The following GPAT3 variants were observed in gnomAD, a reference collection of about 807,000 sequenced individuals.
GPAT3 encodes the protein 1-AGP acyltransferase 9.
In GPAT3, 53 loss-of-function variants were observed where a neutral mutation model predicts 58.8. That is an observed-to-expected ratio of 0.90 (90% CI 0.72 to 1.13). The LOEUF (loss-of-function observed/expected upper bound fraction) is 1.13. Among genes scored for constraint, GPAT3 ranks in the 50% most tolerant of loss-of-function variants. The probability of loss-of-function intolerance (pLI) is 0.00; values close to 1 mark genes in which losing one functional copy is unlikely to be tolerated. For missense variants in GPAT3, 511 were observed against 527.6 expected (o/e 0.97, Z 0.31); for synonymous variants, 197 against 187.4 (o/e 1.05, Z -0.42).
rs1458877534 is a variant in GPAT3 at position 83,581,651 on chromosome 4, T to G, written c.298T>G (p.Ser100Ala). The G allele has an allele frequency of 6.2e-7, 1 of 1,614,052 alleles. No homozygotes were observed. The highest frequency in any genetic ancestry group is 2.2e-5 in the East Asian group (1 of 44,900). The change falls in exon 3 of 12, where the codon TCC becomes GCC. Residue 100 changes from serine (S) to alanine (A), a missense_variant. Transcript: ENST00000264409. ...TGAGCTGTCTGACGTGTTTTATTTC[T>G]CCAAGAAGGGATTGGAAGCCATTGT... ...DFELSDVFYF[S>A]KKGLEAIVED... is the part of the protein sequence containing the mutation.
chr4:83,538,818 T>C (rs1473724703), intron 1 of GPAT3, among the ~76,000 whole-genome samples: 2 of 152,194 alleles, frequency 1.3e-5, no homozygotes, highest in Non-Finnish European at 2.9e-5. Flanking sequence ...AGTTTTCTAA[T>C]TCTGGTGGGA....
chr4:83,575,339 C>G (rs756254452), intron 2 of GPAT3, among the ~76,000 whole-genome samples: 43 of 152,136 alleles, frequency 2.8e-4, no homozygotes, highest in Admixed American at 7.9e-4. Context: ...CTCAGACCCT[C>G]AATAGTCAAC....
intron 1 of GPAT3, among the ~76,000 whole-genome samples, chr4:83,538,426 G>T (rs1724180902): frequency 6.6e-6 from 1 of 152,168 alleles, no homozygotes; most frequent in South Asian, 2.1e-4. Flanking sequence ...GCTTCCTAAT[G>T]TGAGATCTTC....
At chr4:83,579,709 A>C (rs1429586439) in intron 2 of GPAT3, among the ~76,000 whole-genome samples, 1 of 152,176 alleles carries the variant, frequency 6.6e-6, no homozygotes, top group Non-Finnish European at 1.5e-5. Flanking sequence ...TAAGAAAACT[A>C]AATTGTTTCC....
intron 2 of GPAT3, among the ~76,000 whole-genome samples, chr4:83,574,205 T>C (rs1725703323): frequency 6.6e-6 from 1 of 152,238 alleles, no homozygotes; most frequent in South Asian, 2.1e-4. Context: ...GGTCTACTTC[T>C]GTATATAAGC....
chr4:83,574,483 C>T (rs948728649), intron 2 of GPAT3, among the ~76,000 whole-genome samples: 6 of 145,428 alleles, frequency 4.1e-5, no homozygotes, highest in South Asian at 2.3e-4. Flanking sequence ...TGCAATTAAT[C>T]GCTTGTGTGA....
At chr4:83,559,464 C>T (rs1264162623) in intron 2 of GPAT3, among the ~76,000 whole-genome samples, 3 of 152,230 alleles carry the variant, frequency 2.0e-5, no homozygotes, top group East Asian at 3.9e-4. Context: ...GCTGGGATTA[C>T]AGGCGCATGC....
At chr4:83,590,137 G>T (rs1726540886) in intron 5 of GPAT3, 62 bp from the exon 6 acceptor site, 1 of 1,434,454 alleles carries the variant, frequency 7.0e-7, no homozygotes, top group South Asian at 1.2e-5. Context: ...AAAGTAAGAT[G>T]AGTATTTACA....
At chr4:83,547,879 G>A (rs1724604961) in intron 2 of GPAT3, among the ~76,000 whole-genome samples, 2 of 143,362 alleles carry the variant, frequency 1.4e-5, no homozygotes, top group African/African-American at 5.2e-5. Context: ...TTGAGATGGG[G>A]TCTGGCTGTA....
At chr4:83,584,619 C>G (rs1450057930) in intron 3 of GPAT3, among the ~76,000 whole-genome samples, 2 of 152,168 alleles carry the variant, frequency 1.3e-5, no homozygotes, top group Admixed American at 1.3e-4. Flanking sequence ...GATTCTTATG[C>G]CTCAGCCTCT....
chr4:83,558,665 A>G (rs1395068904), intron 2 of GPAT3, among the ~76,000 whole-genome samples: 6 of 152,212 alleles, frequency 3.9e-5, no homozygotes, highest in Non-Finnish European at 8.8e-5. Flanking sequence ...GAGTATATTT[A>G]GTTTATAGAA....
In GPAT3 at chr4:83,536,848, A is replaced by G. The variant is rs55833887; in HGVS notation, c.141+85A>G. 0.4 allele frequency: 541,714 copies of G among 1,351,700 alleles called. 110,755 individuals are homozygous for G. Among genetic ancestry groups the G allele is most frequent in the Middle Eastern group, 0.49 (2,029 of 4,138 alleles). 83.7% of individuals were successfully genotyped at this position (1,351,700 alleles called of 1,614,324 possible). ...CCAGTTCTCAAGGTCAGTGGTCGCG[A>G]GTCAGGGGTGTGTGTGCGCGCGTGT... On this transcript the variant is annotated intron_variant, in intron 1 of 11. Transcript: ENST00000264409.
rs561972057 is a variant in GPAT3, at chr4:83,574,624, ATTTTTTTTTTTTTTTTTTTTTTTT to A, written c.209-6908_209-6885del. Among the ~76,000 whole-genome samples, 302 of 55,560 alleles carry A rather than the reference ATTTTTTTTTTTTTTTTTTTTTTTT, an allele frequency of 5.4e-3. 3 individuals carry two copies. Among genetic ancestry groups the A allele is most frequent in the African/African-American group, 0.011 (159 of 14,696 alleles). 36.4% of individuals were successfully genotyped at this position (55,560 alleles called of 152,430 possible). On this transcript the variant is annotated intron_variant, in intron 2 of 11. Transcript: ENST00000264409. ...AAAGCTGACTTGTAAAGTAAAATGA[ATTTTTTTTTTTTTTTTTTTTTTTT>A]TTTTTTTTTTTTTTTTTTTTTTTTT...
chr4:83,539,043 A>G, intron 1 of GPAT3, among the ~76,000 whole-genome samples: 1 of 152,190 alleles, frequency 6.6e-6, no homozygotes, highest in East Asian at 1.9e-4. Flanking sequence ...GTGATCCCAT[A>G]GTGATTTCTG....
At chr4:83,560,323 G>A (rs1277394988) in intron 2 of GPAT3, among the ~76,000 whole-genome samples, 6 of 152,220 alleles carry the variant, frequency 3.9e-5, no homozygotes, top group Non-Finnish European at 8.8e-5. Context: ...GATCCTCAGC[G>A]TTTCTCCCTG....
rs527791229 is a variant in GPAT3 at position 83,590,251 on chromosome 4, A to G, written c.697A>G (p.Ile233Val). ...GICVANHTSP[I>V]DVLILTTDGC... The stretch of plus-strand genomic sequence containing the variant: ...TTGTGTTGCCAACCATACTTCCCCC[A>G]TTGATGTTTTAATCTTGACAACGGA... Residue 233 changes from isoleucine to valine, a missense_variant, in exon 6 of 12, where the codon ATT becomes GTT. Ile to Val is a conservative substitution (Grantham distance 29, BLOSUM62 3). Transcript: ENST00000264409. 5.0e-6 allele frequency: 8 copies of G among 1,613,876 alleles called. No homozygotes were observed. Among genetic ancestry groups the G allele is most frequent in the South Asian group, 1.1e-5 (1 of 91,086 alleles).
chr4:83,557,623 C>T (rs1724986194), intron 2 of GPAT3, among the ~76,000 whole-genome samples: 1 of 152,300 alleles, frequency 6.6e-6, no homozygotes, highest in South Asian at 2.1e-4. Context: ...ATGCCCTAAA[C>T]CATGATATGT....
At position 83,605,071 on chromosome 4, in the gene GPAT3, G is replaced by C. The variant is rs1278719740; in HGVS notation, c.*304G>C. The C allele has an allele frequency of 4.5e-6, 1 of 222,228 alleles. No homozygotes were observed. Among genetic ancestry groups the C allele is most frequent in the Non-Finnish European group, 8.9e-6 (1 of 112,370 alleles). 13.8% of individuals were successfully genotyped at this position (222,228 alleles called of 1,614,324 possible). A position where few individuals can be genotyped will look rare whatever the true frequency, so the allele number is the denominator to read the frequency against. Reference sequence around the variant, plus strand: ...TTGTATAGAAAAAAGTGCTTGAAAAGTGTGTTTGGAACTCATCGATAGGGT... The same window carrying C: ...TTGTATAGAAAAAAGTGCTTGAAAACTGTGTTTGGAACTCATCGATAGGGT... On this transcript the variant is annotated 3_prime_UTR_variant, in exon 12 of 12. Coordinates refer to ENST00000264409, the MANE Select transcript of GPAT3 (RefSeq NM_032717.5).
At chr4:83,598,017 T>C (rs888380862) in intron 9 of GPAT3, 34 bp from the exon 10 acceptor site, 1 of 1,610,998 alleles carries the variant, frequency 6.2e-7, no homozygotes, top group African/African-American at 1.3e-5. Context: ...ACCACCCTTA[T>C]TTCATAACTG....
Sources: gnomAD v4.1 joint callset for allele counts (sites outside exome capture counted in the v4.1 genomes callset) on GRCh38, gnomAD v4.1.1 for gene constraint, MANE v1.5 for transcripts, NCBI Gene and HGNC (gene_info 2026-07-23, HGNC 2026-07-21) for gene names.